DLG2: variants seen among roughly 807,000 people sequenced by gnomAD.
DLG2 encodes the protein discs large MAGUK scaffold protein 2.
In DLG2, 45 loss-of-function variants were observed where a neutral mutation model predicts 132.5. That is an observed-to-expected ratio of 0.34 (90% CI 0.27 to 0.44). The LOEUF (loss-of-function observed/expected upper bound fraction) is 0.44, where lower values mean the gene tolerates loss of function less well. Ranked by LOEUF, DLG2 falls within the 20% of genes least tolerant of loss-of-function variation. DLG2 has a pLI of 1.00. For synonymous variants in DLG2, 424 were observed against 419.6 expected (o/e 1.01, Z -0.13); for missense variants, 1,045 against 1,196.9 (o/e 0.87, Z 1.87).
chr11:85,476,955 A>G (rs565835728), intron 3 of DLG2, among the ~76,000 whole-genome samples: 1 of 152,284 alleles, frequency 6.6e-6, no homozygotes, highest in Non-Finnish European at 1.5e-5. Context: ...TGTACTGTAC[A>G]TAATTTTATG....
In DLG2 at chr11:84,010,750, C is replaced by T. The variant is rs546219587; in HGVS notation, c.920-30108G>A. On this transcript the variant is annotated intron_variant, in intron 11 of 27. Coordinates refer to ENST00000376104, the MANE Select transcript of DLG2 (RefSeq NM_001142699.3). ...TTTGATACCAATAGCAAAATGAGAGCAATCAAAATACCTACTGACATGATG... is the reference window on the plus strand; with the variant it reads ...TTTGATACCAATAGCAAAATGAGAGTAATCAAAATACCTACTGACATGATG... Among the ~76,000 whole-genome samples, 25 of 152,114 alleles carry T rather than the reference C, an allele frequency of 1.6e-4. No homozygotes were observed. In the East Asian group the frequency reaches 3.5e-3, roughly 21 times the overall value.
intron 4 of DLG2, among the ~76,000 whole-genome samples, chr11:85,178,706 G>A (rs2079492863): frequency 6.6e-6 from 1 of 151,726 alleles, no homozygotes; most frequent in South Asian, 2.1e-4. Context: ...CATTAAAAAT[G>A]GAATAAAAAA....
At chr11:83,541,963 T>C (rs2096080114) in intron 19 of DLG2, 105 bp from the exon 20 acceptor site, 1 of 1,090,802 alleles carries the variant, frequency 9.2e-7, no homozygotes, top group Non-Finnish European at 1.3e-6. Flanking sequence ...CTATCATCAC[T>C]TGATATCAAC....
chr11:83,850,715 A>G (rs2059594193), intron 16 of DLG2, among the ~76,000 whole-genome samples: 1 of 152,188 alleles, frequency 6.6e-6, no homozygotes, highest in African/African-American at 2.4e-5. Context: ...AGAAGAACAG[A>G]GCAGAATATT....
At chr11:85,217,961 T>C (rs2082730033) in intron 4 of DLG2, among the ~76,000 whole-genome samples, 2 of 152,170 alleles carry the variant, frequency 1.3e-5, no homozygotes, top group African/African-American at 4.8e-5. Flanking sequence ...TGTCTGTACA[T>C]TGTGAAAGGC....
intron 19 of DLG2, among the ~76,000 whole-genome samples, chr11:83,547,156 C>T (rs1396581817): frequency 1.3e-5 from 2 of 152,084 alleles, no homozygotes; most frequent in African/African-American, 2.4e-5. Context: ...GGCTATACCA[C>T]TTTAAAGCTA....
intron 15 of DLG2, among the ~76,000 whole-genome samples, chr11:83,879,808 C>T (rs957163139): frequency 5.3e-5 from 8 of 152,098 alleles, no homozygotes; most frequent in African/African-American, 1.9e-4. Flanking sequence ...TATTGTAGTA[C>T]TCAATAAATA....
chr11:85,045,471 T>C (rs1442237153), intron 6 of DLG2, among the ~76,000 whole-genome samples: 3 of 152,048 alleles, frequency 2.0e-5, no homozygotes, highest in Non-Finnish European at 4.4e-5. Context: ...TATAAGTGAT[T>C]CTTCCTTTCT....
intron 3 of DLG2, among the ~76,000 whole-genome samples, chr11:85,594,026 T>G (rs1158640123): frequency 6.6e-6 from 1 of 152,178 alleles, no homozygotes; most frequent in Non-Finnish European, 1.5e-5. Flanking sequence ...GAATAAAAAT[T>G]TATTAAAAGT....
intron 15 of DLG2, among the ~76,000 whole-genome samples, chr11:83,912,169 A>T (rs2888845): frequency 0.81 from 122,648 of 151,584 alleles, 49,725 homozygotes; most frequent in East Asian, 0.91. Flanking sequence ...ATTATATAAA[A>T]TTTTTGTCAA....
intron 7 of DLG2, among the ~76,000 whole-genome samples, chr11:84,504,922 A>G (rs2099234363): frequency 6.6e-6 from 1 of 152,122 alleles, no homozygotes; most frequent in South Asian, 2.1e-4. Flanking sequence ...CTTGCATACA[A>G]CTATATATAA....
chr11:84,360,471 C>T (rs1219102000), intron 7 of DLG2, among the ~76,000 whole-genome samples: 2 of 151,888 alleles, frequency 1.3e-5, no homozygotes, highest in Non-Finnish European at 2.9e-5. Context: ...ATATATGATT[C>T]AACAATTTTC....
At chr11:85,395,145 T>C (rs1399528488) in intron 3 of DLG2, among the ~76,000 whole-genome samples, 1 of 152,142 alleles carries the variant, frequency 6.6e-6, no homozygotes, top group Non-Finnish European at 1.5e-5. Context: ...CAACTTTGCA[T>C]AAACAGCCCT....
At chr11:83,747,701 T>C (rs904437162) in intron 18 of DLG2, among the ~76,000 whole-genome samples, 5 of 151,474 alleles carry the variant, frequency 3.3e-5, no homozygotes, top group Admixed American at 6.6e-5. Flanking sequence ...TTTCTTTATA[T>C]TTATTTTATA....
chr11:85,198,380 T>G (rs118189489), intron 4 of DLG2, among the ~76,000 whole-genome samples: 3,020 of 152,262 alleles, frequency 0.02, 56 homozygotes, highest in Admixed American at 0.037. Flanking sequence ...ACAAAAAGTA[T>G]ACATTTGGCA....
intron 6 of DLG2, among the ~76,000 whole-genome samples, chr11:84,582,207 A>T (rs1156509952): frequency 6.6e-6 from 1 of 151,620 alleles, no homozygotes; most frequent in African/African-American, 2.4e-5. Flanking sequence ...GTAGAAAGGC[A>T]AGGTAATAAA....
At chr11:83,464,282 A>T (rs2090602297) in intron 26 of DLG2, among the ~76,000 whole-genome samples, 1 of 152,182 alleles carries the variant, frequency 6.6e-6, no homozygotes, top group Non-Finnish European at 1.5e-5. Context: ...TGTATGTGCT[A>T]ATAAGCTCTG....
At chr11:83,834,507 G>C (rs1456095438) in intron 16 of DLG2, among the ~76,000 whole-genome samples, 2 of 152,110 alleles carry the variant, frequency 1.3e-5, no homozygotes, top group African/African-American at 4.8e-5. Flanking sequence ...AAAGAGGAGA[G>C]AGAGCATCTA....
intron 6 of DLG2, among the ~76,000 whole-genome samples, chr11:84,957,786 A>T (rs951615198): frequency 6.6e-6 from 1 of 152,136 alleles, no homozygotes; most frequent in African/African-American, 2.4e-5. Context: ...AGCAATTAAG[A>T]CTCACGTGTA....
Sources: allele counts gnomAD v4.1 joint callset (sites outside exome capture counted in the v4.1 genomes callset), GRCh38; gene constraint gnomAD v4.1.1; transcripts MANE v1.5; gene names NCBI Gene and HGNC (gene_info 2026-07-23, HGNC 2026-07-21).